Variants in NFIB observed in about 807,000 individuals in gnomAD.
The protein encoded by NFIB is nuclear factor 1 B-type.
In NFIB, 11 loss-of-function variants were observed where a neutral mutation model predicts 61.5. The observed-to-expected ratio is 0.18, with a 90% CI of 0.11 to 0.30. The LOEUF (loss-of-function observed/expected upper bound fraction) is 0.30, where lower values mean the gene tolerates loss of function less well. Ranked by LOEUF, NFIB falls within the 10% of genes least tolerant of loss-of-function variation. The pLI, the probability that NFIB is intolerant of heterozygous loss-of-function variation, is 1.00. For missense variants in NFIB, 471 were observed against 608.9 expected (o/e 0.77, Z 2.38); for synonymous variants, 260 against 216.5 (o/e 1.20, Z -1.76).
chr9:14,262,597 A>G (rs2056859397), intron 2 of NFIB, among the ~76,000 whole-genome samples: 1 of 152,162 alleles, frequency 6.6e-6, no homozygotes, highest in South Asian at 2.1e-4. Flanking sequence ...AATTGAGACA[A>G]GGAAAAGGAG....
At chr9:14,380,097 C>T (rs2061470195) in intron 1 of NFIB, among the ~76,000 whole-genome samples, 1 of 152,060 alleles carries the variant, frequency 6.6e-6, no homozygotes, top group African/African-American at 2.4e-5. Flanking sequence ...ATACAATTTT[C>T]TAAACACATT....
At chr9:14,377,411 G>T (rs763137476) in intron 1 of NFIB, among the ~76,000 whole-genome samples, 8 of 152,040 alleles carry the variant, frequency 5.3e-5, no homozygotes, top group Non-Finnish European at 1.0e-4. Flanking sequence ...TAGAAATGGG[G>T]TCTTGCTCTA....
chr9:14,188,143 T>A (rs1042804530), intron 2 of NFIB, among the ~76,000 whole-genome samples: 1 of 152,236 alleles, frequency 6.6e-6, no homozygotes, highest in Admixed American at 6.5e-5. Flanking sequence ...TCAAGATTGC[T>A]GACTTTCTAC....
At chr9:14,422,333 A>G in the NFIB span, among the ~76,000 whole-genome samples, 2 of 152,290 alleles carry the variant, frequency 1.3e-5, no homozygotes, top group East Asian at 3.9e-4. Context: ...TTAGCAGTCC[A>G]TGAATGCTTG....
intron 1 of NFIB, among the ~76,000 whole-genome samples, chr9:14,358,108 T>C (rs565697706): frequency 1.3e-5 from 2 of 152,100 alleles, no homozygotes; most frequent in South Asian, 4.1e-4. Context: ...TTAAAAACCA[T>C]TGCATTTTGC....
At chr9:14,213,075 A>G (rs1473758219) in intron 2 of NFIB, among the ~76,000 whole-genome samples, 1 of 152,168 alleles carries the variant, frequency 6.6e-6, no homozygotes, top group African/African-American at 2.4e-5. Context: ...TTATTTGCCT[A>G]TTTCCATTCG....
chr9:14,241,623 G>T (rs2054364424), intron 2 of NFIB, among the ~76,000 whole-genome samples: 1 of 151,858 alleles, frequency 6.6e-6, no homozygotes, highest in Non-Finnish European at 1.5e-5. Context: ...CTTTCTTCAA[G>T]AAACTTTACA....
At chr9:14,311,206 A>AT (rs146380954) in intron 1 of NFIB, among the ~76,000 whole-genome samples, 1,734 of 151,948 alleles carry the variant, frequency 0.011, 31 homozygotes, top group African/African-American at 0.039. Flanking sequence ...TTAAATTAAG[A>AT]TTTTTTTTCT....
At chr9:14,502,855 C>A in the NFIB span, among the ~76,000 whole-genome samples, 19 of 152,162 alleles carry the variant, frequency 1.2e-4, no homozygotes, top group African/African-American at 4.1e-4. Flanking sequence ...ACACTGTACC[C>A]AGTGTGTAGT....
the NFIB span, among the ~76,000 whole-genome samples, chr9:14,455,833 C>T: frequency 6.6e-6 from 1 of 151,894 alleles, no homozygotes; most frequent in African/African-American, 2.4e-5. Context: ...GAGGAACATT[C>T]TAAAAAAGAA....
At chr9:14,393,927 T>C (rs2061653372) in intron 1 of NFIB, among the ~76,000 whole-genome samples, 1 of 152,206 alleles carries the variant, frequency 6.6e-6, no homozygotes, top group South Asian at 2.1e-4. Flanking sequence ...AATACAGAAA[T>C]GGTTATCCCA....
chr9:14,385,116 T>C (rs1026686213), intron 1 of NFIB, among the ~76,000 whole-genome samples: 4 of 152,192 alleles, frequency 2.6e-5, no homozygotes, highest in African/African-American at 9.7e-5. Context: ...GCTCACTATG[T>C]GCTAGCCACT....
At chr9:14,161,411 TGGAG>T (rs1008753337) in intron 3 of NFIB, among the ~76,000 whole-genome samples, 4 of 152,046 alleles carry the variant, frequency 2.6e-5, no homozygotes, top group Admixed American at 6.6e-5. Context: ...TAGGTGATCT[TGGAG>T]GGAGTCAGAA....
the NFIB span, among the ~76,000 whole-genome samples, chr9:14,435,486 T>C: frequency 6.6e-6 from 1 of 152,186 alleles, no homozygotes; most frequent in Non-Finnish European, 1.5e-5. Context: ...TTCTCATCTA[T>C]TAAGTGGAGA....
chr9:14,106,366 G>T (rs2036559241), intron 10 of NFIB, among the ~76,000 whole-genome samples: 1 of 151,970 alleles, frequency 6.6e-6, no homozygotes, highest in Non-Finnish European at 1.5e-5. Context: ...AAAATGCCCA[G>T]AATTTCAAAA....
At chr9:14,488,175 G>A in the NFIB span, among the ~76,000 whole-genome samples, 2 of 151,998 alleles carry the variant, frequency 1.3e-5, no homozygotes, top group African/African-American at 4.8e-5. Context: ...ACCAAATTGG[G>A]CAACATAATG....
chr9:14,111,248 G>A (rs559373627), intron 10 of NFIB, among the ~76,000 whole-genome samples: 2 of 152,076 alleles, frequency 1.3e-5, no homozygotes, highest in African/African-American at 4.8e-5. Flanking sequence ...ATATGTGAAA[G>A]AAGTAATTCT....
intron 2 of NFIB, among the ~76,000 whole-genome samples, chr9:14,275,449 C>G (rs566798272): frequency 2.0e-5 from 3 of 152,104 alleles, no homozygotes; most frequent in African/African-American, 4.8e-5. Context: ...TTGAGGCAAA[C>G]AGGGAAGAAA....
intron 4 of NFIB, among the ~76,000 whole-genome samples, chr9:14,151,978 T>C (rs2042919616): frequency 6.6e-6 from 1 of 152,094 alleles, no homozygotes; most frequent in African/African-American, 2.4e-5. Context: ...TTTTAATGAA[T>C]ATTCTAAATG....
Sources: allele counts gnomAD v4.1 joint callset (sites outside exome capture counted in the v4.1 genomes callset), GRCh38; gene constraint gnomAD v4.1.1; transcripts MANE v1.5; gene names NCBI Gene and HGNC (gene_info 2026-07-23, HGNC 2026-07-21).